OSBPL8: variants seen among roughly 807,000 people sequenced by gnomAD.
OSBPL8 encodes the protein oxysterol binding protein like 8.
Under a neutral mutation model 125.5 loss-of-function variants are expected in OSBPL8, and 59 were observed. The observed-to-expected ratio is 0.47, with a 90% CI of 0.38 to 0.58. The LOEUF is 0.58. Among genes scored for constraint, OSBPL8 ranks in the 20% least tolerant of loss-of-function variants. The probability of loss-of-function intolerance (pLI) is 0.00; values close to 1 mark genes in which losing one functional copy is unlikely to be tolerated. For missense variants in OSBPL8, 758 were observed against 1,047.8 expected (o/e 0.72, Z 3.82); for synonymous variants, 330 against 338.9 (o/e 0.97, Z 0.29).
intron 3 of OSBPL8, among the ~76,000 whole-genome samples, chr12:76,451,362 G>A (rs978850652): frequency 6.6e-6 from 1 of 151,072 alleles, no homozygotes; most frequent in Non-Finnish European, 1.5e-5. Flanking sequence ...ACAAATCGTC[G>A]ATAAACATAT....
chr12:76,367,265 G>A (rs1267472194), intron 21 of OSBPL8, among the ~76,000 whole-genome samples: 1 of 123,954 alleles, frequency 8.1e-6, no homozygotes, highest in African/African-American at 2.7e-5. Context: ...TGTATGAATT[G>A]ACCCTTTTAT....
intron 21 of OSBPL8, among the ~76,000 whole-genome samples, chr12:76,362,932 T>C (rs1019504278): frequency 3.3e-5 from 5 of 152,168 alleles, no homozygotes; most frequent in Non-Finnish European, 7.3e-5. Flanking sequence ...CCATTCACAA[T>C]TGCTACAAAG....
intron 1 of OSBPL8, among the ~76,000 whole-genome samples, chr12:76,536,769 T>C (rs1950510657): frequency 7.0e-6 from 1 of 143,514 alleles, no homozygotes; most frequent in Non-Finnish European, 1.5e-5. Flanking sequence ...ATGTATGAGA[T>C]GGCAAAATTA....
chr12:76,357,363 G>A (rs1255055482), intron 22 of OSBPL8, among the ~76,000 whole-genome samples: 1 of 152,138 alleles, frequency 6.6e-6, no homozygotes, highest in Non-Finnish European at 1.5e-5. Flanking sequence ...ATAAATGTCT[G>A]CTGATACATT....
intron 1 of OSBPL8, among the ~76,000 whole-genome samples, chr12:76,532,656 C>G (rs1252407593): frequency 6.6e-6 from 1 of 151,906 alleles, no homozygotes; most frequent in Non-Finnish European, 1.5e-5. Context: ...GGGAAAGGAA[C>G]ATCCCTCCTC....
At chr12:76,413,784 A>T (rs910751264) in intron 4 of OSBPL8, among the ~76,000 whole-genome samples, 6 of 152,120 alleles carry the variant, frequency 3.9e-5, no homozygotes, top group African/African-American at 1.4e-4. Context: ...ACATTAAAAA[A>T]AAAATCGTCT....
chr12:76,369,523 C>A (rs936482618), intron 20 of OSBPL8, 114 bp downstream of exon 20: 2 of 1,329,040 alleles, frequency 1.5e-6, no homozygotes, highest in Non-Finnish European at 2.0e-6. Context: ...AAATCTCACA[C>A]TAATATACAT....
At chr12:76,548,433 C>CTGAG (rs996896583) in intron 1 of OSBPL8, among the ~76,000 whole-genome samples, 7 of 152,070 alleles carry the variant, frequency 4.6e-5, no homozygotes, top group Non-Finnish European at 2.9e-5. Flanking sequence ...AATAAGAGAA[C>CTGAG]TGAGTATTAC....
At chr12:76,461,280 T>C (rs1433479297) in intron 2 of OSBPL8, among the ~76,000 whole-genome samples, 2 of 152,146 alleles carry the variant, frequency 1.3e-5, no homozygotes, top group Non-Finnish European at 2.9e-5. Flanking sequence ...CCATCTTGCA[T>C]GCAGTTTCTC....
chr12:76,414,850 C>T (rs1327631876), intron 4 of OSBPL8, among the ~76,000 whole-genome samples: 1 of 152,148 alleles, frequency 6.6e-6, no homozygotes, highest in East Asian at 1.9e-4. Flanking sequence ...ACTTTTCCCA[C>T]ATCTATTAAG....
intron 2 of OSBPL8, among the ~76,000 whole-genome samples, chr12:76,480,075 G>C (rs1223951301): frequency 6.8e-6 from 1 of 147,870 alleles, no homozygotes. Context: ...GCTGAGGCAG[G>C]AGAATCGCTT....
At chr12:76,483,456 C>T (rs368254002) in intron 2 of OSBPL8, among the ~76,000 whole-genome samples, 3 of 147,968 alleles carry the variant, frequency 2.0e-5, no homozygotes, top group East Asian at 2.1e-4. Flanking sequence ...CCCAGCTACT[C>T]GGGAGGCTGA....
At chr12:76,433,642 A>C (rs1380973889) in intron 4 of OSBPL8, among the ~76,000 whole-genome samples, 1 of 152,136 alleles carries the variant, frequency 6.6e-6, no homozygotes, top group Non-Finnish European at 1.5e-5. Context: ...ACAGATTCAA[A>C]GCCATCACTA....
At chr12:76,390,010 G>T in intron 11 of OSBPL8, 181 bp from the exon 12 acceptor site, 1 of 445,970 alleles carries the variant, frequency 2.2e-6, no homozygotes, top group Non-Finnish European at 3.8e-6. Context: ...AAGGGTAGCT[G>T]AAAAAGACAT....
In OSBPL8 at chr12:76,375,259, T is replaced by C. The variant is rs1352855271; in HGVS notation, c.1827+14A>G. The C allele has an allele frequency of 1.3e-6, 2 of 1,535,886 alleles. No homozygotes were observed. Among genetic ancestry groups the C allele is most frequent in the South Asian group, 2.2e-5 (2 of 89,070 alleles). On this transcript the variant is annotated intron_variant, in intron 17 of 23. Coordinates refer to ENST00000261183, the MANE Select transcript of OSBPL8 (RefSeq NM_020841.5). ...TCCTTTAGCTAGGTGATACCTACTG[T>C]ATTGTCTACTAACCTTTAGTTTAAA...
At chr12:76,459,327 C>T (rs1193449338) in intron 3 of OSBPL8, among the ~76,000 whole-genome samples, 1 of 152,110 alleles carries the variant, frequency 6.6e-6, no homozygotes, top group Admixed American at 6.6e-5. Flanking sequence ...GCTGCCACTC[C>T]CTGCCCCAAA....
At chr12:76,474,772 T>C (rs12831553) in intron 2 of OSBPL8, among the ~76,000 whole-genome samples, 59,463 of 152,104 alleles carry the variant, frequency 0.39, 12,159 homozygotes, top group Non-Finnish European at 0.46. Flanking sequence ...CGTGAGCCAC[T>C]GCACCCAGCC....
chr12:76,358,566 A>G, intron 22 of OSBPL8, 140 bp downstream of exon 22: 1 of 660,536 alleles, frequency 1.5e-6, no homozygotes, highest in Non-Finnish European at 2.6e-6. Flanking sequence ...CTTATCTATG[A>G]TCTAGAATTG....
chr12:76,435,955 T>A (rs894539584), intron 4 of OSBPL8, among the ~76,000 whole-genome samples: 47 of 152,142 alleles, frequency 3.1e-4, no homozygotes, highest in Admixed American at 6.5e-5. Flanking sequence ...TTCTTCTCTA[T>A]AACTAAGCTC....
Sources: gnomAD v4.1 joint callset for allele counts (sites outside exome capture counted in the v4.1 genomes callset) on GRCh38, gnomAD v4.1.1 for gene constraint, MANE v1.5 for transcripts, NCBI Gene and HGNC (gene_info 2026-07-23, HGNC 2026-07-21) for gene names.